TFEC: variants seen among roughly 807,000 people sequenced by gnomAD.
TFEC encodes transcription factor EC.
A neutral mutation model predicts 41.6 loss-of-function variants in TFEC; 31 were observed. The ratio of observed to expected loss-of-function variants is 0.74; its 90% confidence interval spans 0.56 to 1.01. The LOEUF (loss-of-function observed/expected upper bound fraction) is 1.01. Among genes scored for constraint, TFEC ranks in the 50% least tolerant of loss-of-function variants. The probability of loss-of-function intolerance (pLI) is 0.00; values close to 1 mark genes in which losing one functional copy is unlikely to be tolerated. For missense variants in TFEC, 402 were observed against 404.1 expected, an observed-to-expected ratio of 0.99 and a Z score of 0.04; for synonymous variants, 143 against 140.6, an observed-to-expected ratio of 1.02 and a Z score of -0.12.
At chr7:116,035,358 C>T (rs766612124), upstream of TFEC, among the ~76,000 whole-genome samples, 1 of 152,050 alleles carries the variant, frequency 6.6e-6, no homozygotes, top group Non-Finnish European at 1.5e-5. Flanking sequence ...TACGTGACCT[C>T]CTGTCTGTAC....
intron 2 of TFEC, among the ~76,000 whole-genome samples, chr7:115,982,693 T>C (rs886141727): frequency 2.0e-5 from 3 of 152,166 alleles, no homozygotes; most frequent in Non-Finnish European, 4.4e-5. Flanking sequence ...TCGTTCACAT[T>C]GCCCCAAGGC....
chr7:116,021,393 G>C (rs1166741920), intron 1 of TFEC, among the ~76,000 whole-genome samples: 1 of 152,144 alleles, frequency 6.6e-6, no homozygotes, highest in Non-Finnish European at 1.5e-5. Flanking sequence ...GCCTTATTAG[G>C]ACTTGGCCAC....
At chr7:116,140,678 G>A (rs1798522854) in intron 1 of TFEC, among the ~76,000 whole-genome samples, 2 of 152,146 alleles carry the variant, frequency 1.3e-5, no homozygotes, top group African/African-American at 4.8e-5. Flanking sequence ...CACATACCCA[G>A]CCATAGAGGC....
chr7:116,124,279 C>A (rs1169028655), intron 1 of TFEC, among the ~76,000 whole-genome samples: 1 of 151,814 alleles, frequency 6.6e-6, no homozygotes, highest in Non-Finnish European at 1.5e-5. Flanking sequence ...GAGGGAAAAA[C>A]GGGGGAAAAA....
At chr7:116,101,042 A>G (rs1342901763) in intron 3 of TFEC, among the ~76,000 whole-genome samples, 1 of 152,138 alleles carries the variant, frequency 6.6e-6, no homozygotes, top group Non-Finnish European at 1.5e-5. Context: ...TTAAATAAGA[A>G]TGAGTTGCAG....
chr7:115,974,281 A>T (rs1435004141), intron 2 of TFEC, 25 bp from the exon 3 acceptor site: 1 of 1,506,898 alleles, frequency 6.6e-7, no homozygotes, highest in East Asian at 2.4e-5. Context: ...TACATTTAGA[A>T]TATTGTACAT....
intron 3 of TFEC, among the ~76,000 whole-genome samples, chr7:116,110,270 T>C (rs1797823278): frequency 6.6e-6 from 1 of 152,154 alleles, no homozygotes; most frequent in African/African-American, 2.4e-5. Flanking sequence ...CACTTCTCTG[T>C]GCTTTAAAAG....
At chr7:116,067,548 C>A (rs1796723582) in intron 3 of TFEC, among the ~76,000 whole-genome samples, 2 of 151,944 alleles carry the variant, frequency 1.3e-5, no homozygotes, top group African/African-American at 4.8e-5. Flanking sequence ...TTGCATAGGG[C>A]AATTTCTTCT....
intron 6 of TFEC, among the ~76,000 whole-genome samples, chr7:115,949,274 C>T (rs1427775383): frequency 2.6e-5 from 4 of 151,898 alleles, no homozygotes; most frequent in Non-Finnish European, 5.9e-5. Context: ...GCCATACTGC[C>T]CAAGGTAATT....
chr7:116,107,491 C>G (rs1330876822), intron 3 of TFEC, among the ~76,000 whole-genome samples: 1 of 152,092 alleles, frequency 6.6e-6, no homozygotes, highest in Non-Finnish European at 1.5e-5. Flanking sequence ...GGGACTGAAG[C>G]CTATACTGTT....
intron 3 of TFEC, among the ~76,000 whole-genome samples, chr7:116,087,872 T>C (rs1387532141): frequency 3.3e-5 from 5 of 152,122 alleles, no homozygotes; most frequent in Non-Finnish European, 7.4e-5. Context: ...TCTAAAACTG[T>C]AGACTACCAC....
intron 3 of TFEC, among the ~76,000 whole-genome samples, chr7:116,056,270 C>T (rs1402552745): frequency 1.3e-5 from 2 of 151,986 alleles, no homozygotes; most frequent in African/African-American, 4.8e-5. Context: ...ACAAAAAAAG[C>T]AAACCCAGGC....
intron 1 of TFEC, among the ~76,000 whole-genome samples, chr7:116,112,978 A>T (rs567126659): frequency 6.6e-6 from 1 of 152,008 alleles, no homozygotes; most frequent in Non-Finnish European, 1.5e-5. Flanking sequence ...AAGCAGATTG[A>T]TTATTAAACA....
At chr7:116,050,689 A>C (rs1005726892) in intron 3 of TFEC, among the ~76,000 whole-genome samples, 1 of 145,496 alleles carries the variant, frequency 6.9e-6, no homozygotes, top group Non-Finnish European at 1.5e-5. Flanking sequence ...ACACTTTTAC[A>C]CTGTTGGTGG....
At chr7:115,968,674 T>G (rs1010925656) in intron 3 of TFEC, among the ~76,000 whole-genome samples, 1 of 151,886 alleles carries the variant, frequency 6.6e-6, no homozygotes, top group African/African-American at 2.4e-5. Flanking sequence ...GTGTGCCAGA[T>G]GATAAGATCT....
chr7:115,995,701 A>T (rs749744935), intron 1 of TFEC, among the ~76,000 whole-genome samples: 4 of 152,162 alleles, frequency 2.6e-5, no homozygotes, highest in Non-Finnish European at 4.4e-5. Context: ...GGTAGGAAAG[A>T]CAGTCTTGAA....
At chr7:116,131,373 A>T (rs142273146) in intron 1 of TFEC, among the ~76,000 whole-genome samples, 1 of 152,334 alleles carries the variant, frequency 6.6e-6, no homozygotes, top group East Asian at 1.9e-4. Context: ...ACTAATTAGG[A>T]CTAGTCTGTA....
At chr7:116,079,722 G>A (rs1021022271) in intron 3 of TFEC, among the ~76,000 whole-genome samples, 1 of 152,062 alleles carries the variant, frequency 6.6e-6, no homozygotes, top group Non-Finnish European at 1.5e-5. Context: ...GCATGAATGG[G>A]TAGAATCAAT....
chr7:116,035,420 GA>G (rs780583131), upstream of TFEC, among the ~76,000 whole-genome samples: 92 of 152,160 alleles, frequency 6.0e-4, no homozygotes, highest in Middle Eastern at 3.4e-3. Context: ...TGTATGAACT[GA>G]GGACACTTTA....
Sources: gnomAD v4.1 joint callset for allele counts (sites outside exome capture counted in the v4.1 genomes callset) on GRCh38, gnomAD v4.1.1 for gene constraint, MANE v1.5 for transcripts, NCBI Gene and HGNC (gene_info 2026-07-23, HGNC 2026-07-21) for gene names.